Variants in MDGA2 observed in about 807,000 individuals in gnomAD.
MDGA2 encodes MAM domain-containing glycosylphosphatidylinositol anchor protein 2.
Under a neutral mutation model 117.8 loss-of-function variants are expected in MDGA2, and 40 were observed. That is an observed-to-expected ratio of 0.34 (90% CI 0.26 to 0.44). MDGA2 has a LOEUF of 0.44. Ranked by LOEUF, MDGA2 falls within the 20% of genes least tolerant of loss-of-function variation. MDGA2 has a pLI of 1.00. For missense variants in MDGA2, 1,123 were observed against 1,250.6 expected, an observed-to-expected ratio of 0.90 and a Z score of 1.54; for synonymous variants, 452 against 439.0, an observed-to-expected ratio of 1.03 and a Z score of -0.37.
chr14:47,081,984 TTAAC>T (rs1890724623), intron 6 of MDGA2, among the ~76,000 whole-genome samples: 1 of 152,104 alleles, frequency 6.6e-6, no homozygotes. Context: ...AAAAGCTCCT[TTAAC>T]TATAGATGTT....
intron 1 of MDGA2, among the ~76,000 whole-genome samples, chr14:47,582,480 C>A (rs1471970023): frequency 6.6e-6 from 1 of 151,862 alleles, no homozygotes; most frequent in Non-Finnish European, 1.5e-5. Flanking sequence ...CTTGCTTGTT[C>A]AGTGTACGGA....
chr14:47,123,381 A>G (rs1319548989), intron 5 of MDGA2, among the ~76,000 whole-genome samples: 2 of 152,016 alleles, frequency 1.3e-5, no homozygotes, highest in African/African-American at 4.8e-5. Flanking sequence ...AGGAAAACCA[A>G]AGTTGAAACC....
intron 2 of MDGA2, among the ~76,000 whole-genome samples, chr14:47,266,151 T>C (rs143878716): frequency 2.0e-5 from 3 of 152,266 alleles, no homozygotes; most frequent in Non-Finnish European, 4.4e-5. Flanking sequence ...GCCCAAATTA[T>C]CGCAGGGATA....
At chr14:47,146,066 G>A (rs1418175410) in intron 3 of MDGA2, among the ~76,000 whole-genome samples, 1 of 152,110 alleles carries the variant, frequency 6.6e-6, no homozygotes, top group Non-Finnish European at 1.5e-5. Context: ...GTGAGCATAT[G>A]CTACCCTGAA....
chr14:47,590,145 T>G (rs558370777), intron 1 of MDGA2, among the ~76,000 whole-genome samples: 134 of 151,968 alleles, frequency 8.8e-4, no homozygotes, highest in Non-Finnish European at 1.6e-3. Flanking sequence ...CAGAGATAGC[T>G]TTACTTCTTC....
Position 47,097,079 on chromosome 14 carries a change from T to G in MDGA2, c.970A>C (p.Asn324His). 1 of 1,613,224 alleles carries G rather than the reference T, an allele frequency of 6.2e-7. No homozygotes were observed. The highest frequency in any genetic ancestry group is 1.1e-5 in the South Asian group (1 of 91,064). Residue 324 changes from asparagine (N) to histidine (H), a missense_variant, in exon 6 of 17, where the codon AAT (asparagine) becomes CAT (histidine). By Grantham distance (68) the Asn-to-His change is moderately conservative (BLOSUM62 1). Coordinates refer to ENST00000399232, the MANE Select transcript of MDGA2 (RefSeq NM_001113498.3). Reference protein sequence around the residue: ...KLLVDDPIVVNPGEAITLVCV... With the variant: ...KLLVDDPIVVHPGEAITLVCV... ...ACTAATGTTATGGCCTCTCCAGGAT[T>G]TACAACTATAGGATCATCCACCAAG...
chr14:46,974,513 T>C (rs1886382105), intron 8 of MDGA2, among the ~76,000 whole-genome samples: 1 of 152,222 alleles, frequency 6.6e-6, no homozygotes, highest in Non-Finnish European at 1.5e-5. Flanking sequence ...AGCGTGGTAC[T>C]GGCATAAAAA....
chr14:47,253,965 T>C (rs1439555337), intron 2 of MDGA2, among the ~76,000 whole-genome samples: 1 of 152,268 alleles, frequency 6.6e-6, no homozygotes, highest in Non-Finnish European at 1.5e-5. Flanking sequence ...GGCTTGGGGC[T>C]TGCACCTTCT....
At chr14:47,240,020 A>T (rs907702157) in intron 2 of MDGA2, among the ~76,000 whole-genome samples, 3 of 151,688 alleles carry the variant, frequency 2.0e-5, no homozygotes, top group African/African-American at 4.8e-5. Flanking sequence ...TAATGGAAGG[A>T]TAGACATTAT....
chr14:47,669,427 C>T (rs1196288755), intron 1 of MDGA2, among the ~76,000 whole-genome samples: 1 of 152,168 alleles, frequency 6.6e-6, no homozygotes, highest in Non-Finnish European at 1.5e-5. Context: ...ATAAGTTAGG[C>T]TCAACTTGCT....
intron 1 of MDGA2, among the ~76,000 whole-genome samples, chr14:47,324,995 G>A (rs567023564): frequency 2.0e-5 from 3 of 152,030 alleles, no homozygotes; most frequent in South Asian, 2.1e-4. Context: ...GTAGAAGAAC[G>A]GTGCTATAAT....
chr14:47,072,101 T>TGAG (rs1555349460), intron 6 of MDGA2, among the ~76,000 whole-genome samples: 3 of 51,634 alleles, frequency 5.8e-5, no homozygotes, highest in African/African-American at 1.6e-4. Flanking sequence ...TGTTGTTGTT[T>TGAG]GGGGGGGGGG....
At chr14:47,283,637 A>G (rs1040443045) in intron 2 of MDGA2, among the ~76,000 whole-genome samples, 2 of 152,232 alleles carry the variant, frequency 1.3e-5, no homozygotes, top group Non-Finnish European at 2.9e-5. Flanking sequence ...AATCTTTTTG[A>G]TGCTCGGTGC....
At chr14:46,847,115 C>G (rs1880871983) in intron 15 of MDGA2, among the ~76,000 whole-genome samples, 1 of 151,978 alleles carries the variant, frequency 6.6e-6, no homozygotes, top group Non-Finnish European at 1.5e-5. Context: ...TTGATATGCT[C>G]TCATAATATT....
chr14:47,220,738 G>A (rs778285726), intron 2 of MDGA2, among the ~76,000 whole-genome samples: 4 of 152,152 alleles, frequency 2.6e-5, no homozygotes, highest in Non-Finnish European at 5.9e-5. Flanking sequence ...TCCTGGAGTG[G>A]TATGGAGGTC....
intron 1 of MDGA2, among the ~76,000 whole-genome samples, chr14:47,652,380 T>G (rs1897661337): frequency 6.6e-6 from 1 of 152,108 alleles, no homozygotes; most frequent in African/African-American, 2.4e-5. Context: ...CACAGAGAAA[T>G]CGGAACTTTT....
chr14:47,225,136 G>A (rs1238862470), intron 2 of MDGA2, among the ~76,000 whole-genome samples: 1 of 151,952 alleles, frequency 6.6e-6, no homozygotes, highest in Non-Finnish European at 1.5e-5. Flanking sequence ...CAGTTAGAAT[G>A]GCAATCATTA....
intron 1 of MDGA2, among the ~76,000 whole-genome samples, chr14:47,482,719 C>A (rs2138637442): frequency 6.6e-6 from 1 of 151,934 alleles, no homozygotes; most frequent in South Asian, 2.1e-4. Context: ...CATTCTAACT[C>A]CTATGTTGAT....
chr14:47,402,611 A>AT (rs1892178474), intron 1 of MDGA2, among the ~76,000 whole-genome samples: 1 of 152,196 alleles, frequency 6.6e-6, no homozygotes, highest in African/African-American at 2.4e-5. Context: ...ATGTAAAAGA[A>AT]GAAAAGAGAA....
Sources: allele counts gnomAD v4.1 joint callset (sites outside exome capture counted in the v4.1 genomes callset), GRCh38; gene constraint gnomAD v4.1.1; transcripts MANE v1.5; gene names NCBI Gene and HGNC (gene_info 2026-07-23, HGNC 2026-07-21).